CARMIL1: variants seen among roughly 807,000 people sequenced by gnomAD.
The protein encoded by CARMIL1 is capping protein regulator and myosin 1 linker 1, also known as F-actin-uncapping protein LRRC16A.
Under a neutral mutation model 177.1 loss-of-function variants are expected in CARMIL1, and 90 were observed. The observed-to-expected ratio is 0.51, with a 90% CI of 0.43 to 0.61. The LOEUF (loss-of-function observed/expected upper bound fraction) is 0.61. Ranked by LOEUF, CARMIL1 falls within the 20% of genes least tolerant of loss-of-function variation. CARMIL1 has a pLI of 0.00. For missense variants in CARMIL1, 1,380 were observed against 1,667.0 expected (o/e 0.83, Z 3.00); for synonymous variants, 577 against 606.2 (o/e 0.95, Z 0.71).
chr6:25,528,967 T>C, intron 24 of CARMIL1, 74 bp downstream of exon 24: 1 of 1,134,018 alleles, frequency 8.8e-7, no homozygotes, highest in Non-Finnish European at 1.3e-6. Flanking sequence ...CTTCTAGCAT[T>C]CGAGTAATTT....
chr6:25,420,129 C>T lies in CARMIL1; in HGVS notation c.154C>T (p.Arg52Ter), dbSNP rs1266182495. 7.4e-6 allele frequency: 12 copies of T among 1,613,264 alleles called. No homozygotes were observed. The highest frequency in any genetic ancestry group is 2.2e-5 in the East Asian group (1 of 44,884). The change falls in exon 3 of 37, where the codon CGA becomes TGA. Residue 52 changes from arginine to a stop codon, truncating the protein, a stop_gained. Transcript: ENST00000329474. LOFTEE classifies it high-confidence loss of function. ...ENKVLVLTSC[R>*]AFLVTARIPT... ...TGTCTTACAGGTCCTTACATCATGCCGAGCCTTCCTTGTAACAGCGCGAAT... is the reference window on the plus strand; with the variant it reads ...TGTCTTACAGGTCCTTACATCATGCTGAGCCTTCCTTGTAACAGCGCGAAT...
chr6:25,306,306 G>C (rs1219123574), intron 2 of CARMIL1, among the ~76,000 whole-genome samples: 1 of 152,138 alleles, frequency 6.6e-6, no homozygotes, highest in Admixed American at 6.6e-5. Context: ...GGAGGTGAGC[G>C]GCAGGTAAGT....
At chr6:25,569,582 A>G (rs1428251871) in intron 29 of CARMIL1, among the ~76,000 whole-genome samples, 2 of 152,236 alleles carry the variant, frequency 1.3e-5, no homozygotes, top group Non-Finnish European at 2.9e-5. Flanking sequence ...AAGCAGTAAA[A>G]TAATTGTTAT....
At chr6:25,475,597 C>T (rs396554) in intron 11 of CARMIL1, among the ~76,000 whole-genome samples, 24,181 of 151,892 alleles carry the variant, frequency 0.16, 2,023 homozygotes, top group Non-Finnish European at 0.19. Context: ...ACATAAAATG[C>T]GGTATATATA....
chr6:25,363,543 G>T (rs1397605988), intron 2 of CARMIL1, among the ~76,000 whole-genome samples: 2 of 152,140 alleles, frequency 1.3e-5, no homozygotes, highest in Non-Finnish European at 2.9e-5. Flanking sequence ...GTTTTGAAGG[G>T]CCGGGATAAT....
chr6:25,319,166 T>A (rs1376538235), intron 2 of CARMIL1, among the ~76,000 whole-genome samples: 1 of 152,224 alleles, frequency 6.6e-6, no homozygotes, highest in African/African-American at 2.4e-5. Flanking sequence ...TTAGCTTACA[T>A]GTCGAGTAAA....
intron 23 of CARMIL1, among the ~76,000 whole-genome samples, chr6:25,523,047 C>T (rs1562246707): frequency 6.6e-6 from 1 of 152,174 alleles, no homozygotes; most frequent in African/African-American, 2.4e-5. Flanking sequence ...AATCCTCCTG[C>T]CTTGGCCTCC....
At chr6:25,403,764 T>C (rs977440892) in intron 2 of CARMIL1, among the ~76,000 whole-genome samples, 2 of 152,166 alleles carry the variant, frequency 1.3e-5, no homozygotes, top group East Asian at 3.9e-4. Context: ...CCACCACTCC[T>C]CTCCATAACC....
chr6:25,408,641 C>T (rs958251726), intron 2 of CARMIL1, among the ~76,000 whole-genome samples: 1 of 151,980 alleles, frequency 6.6e-6, no homozygotes, highest in Non-Finnish European at 1.5e-5. Context: ...AGTGGTGGGA[C>T]CAGAATTCAA....
intron 3 of CARMIL1, among the ~76,000 whole-genome samples, chr6:25,425,669 T>C (rs926081862): frequency 1.3e-5 from 2 of 151,684 alleles, no homozygotes; most frequent in Non-Finnish European, 2.9e-5. Context: ...AGGTAGAGAG[T>C]GAAAGACTGG....
chr6:25,336,323 C>G (rs1786226643), intron 2 of CARMIL1, among the ~76,000 whole-genome samples: 1 of 152,136 alleles, frequency 6.6e-6, no homozygotes, highest in East Asian at 1.9e-4. Context: ...CTTCCTCTCC[C>G]CATTTCAGCC....
At chr6:25,419,147 C>G (rs1240340651) in intron 2 of CARMIL1, among the ~76,000 whole-genome samples, 2 of 152,148 alleles carry the variant, frequency 1.3e-5, no homozygotes, top group African/African-American at 2.4e-5. Context: ...CTTTAACAAC[C>G]TGAGGTCCCA....
At chr6:25,565,076 G>A (rs1332371112) in intron 29 of CARMIL1, among the ~76,000 whole-genome samples, 2 of 152,206 alleles carry the variant, frequency 1.3e-5, no homozygotes, top group African/African-American at 4.8e-5. Context: ...AAATGAGTAA[G>A]TAAATTTAGT....
intron 31 of CARMIL1, among the ~76,000 whole-genome samples, chr6:25,588,463 T>G (rs1192791890): frequency 6.6e-6 from 1 of 152,160 alleles, no homozygotes; most frequent in Non-Finnish European, 1.5e-5. Context: ...ACATAAAGCA[T>G]GAAGGTTCAT....
chr6:25,528,793 A>G lies in CARMIL1; in HGVS notation c.1969-2A>G. 1 of 1,594,854 alleles carries G rather than the reference A, an allele frequency of 6.3e-7. No individual in the cohort carries two copies. Among genetic ancestry groups the G allele is most frequent in the Non-Finnish European group, 8.6e-7 (1 of 1,168,620 alleles). On this transcript the variant is annotated splice_acceptor_variant, in intron 23 of 36. Transcript: ENST00000329474. LOFTEE classifies it high-confidence loss of function. ...TGAGGGATGCCTGTGCTTTATTTCC[A>G]GATAGAAAACTACCTGCTACGAAAT...
intron 16 of CARMIL1, among the ~76,000 whole-genome samples, chr6:25,499,089 A>G (rs960871715): frequency 6.6e-6 from 1 of 152,176 alleles, no homozygotes; most frequent in Non-Finnish European, 1.5e-5. Context: ...CTCTTAGTAG[A>G]TAAAGCCAGA....
At chr6:25,421,382 T>C (rs986110753) in intron 3 of CARMIL1, among the ~76,000 whole-genome samples, 1 of 152,104 alleles carries the variant, frequency 6.6e-6, no homozygotes, top group Non-Finnish European at 1.5e-5. Flanking sequence ...CAACAGGTGC[T>C]GGAGAGGATG....
chr6:25,345,043 C>T (rs776279260), intron 2 of CARMIL1, among the ~76,000 whole-genome samples: 6 of 152,084 alleles, frequency 3.9e-5, no homozygotes, highest in Non-Finnish European at 8.8e-5. Context: ...TAACATCTCC[C>T]CTCCCATTCT....
rs546230859 is a variant in CARMIL1 at position 25,460,859 on chromosome 6, A to G, written c.615-5014A>G. 2.6e-5 allele frequency among the ~76,000 whole-genome samples: 4 copies of G among 152,290 alleles called. No homozygotes were observed. In the South Asian group the frequency reaches 8.3e-4, roughly 32 times the overall value. On this transcript the variant is annotated intron_variant, in intron 8 of 36. Transcript: ENST00000329474. The stretch of plus-strand genomic sequence containing the variant: ...GAAAAGTATGCAGATGTGTACTAGG[A>G]TGGAAATCATTGTAAATTTAACCAC...
Sources: gnomAD v4.1 joint callset for allele counts (sites outside exome capture counted in the v4.1 genomes callset) on GRCh38, gnomAD v4.1.1 for gene constraint, MANE v1.5 for transcripts, NCBI Gene and HGNC (gene_info 2026-07-23, HGNC 2026-07-21) for gene names.